FGF12: variants seen among roughly 807,000 people sequenced by gnomAD.
FGF12 encodes fibroblast growth factor 12B.
In FGF12, 14 loss-of-function variants were observed where a neutral mutation model predicts 23.6. The observed-to-expected ratio is 0.59, with a 90% confidence interval of 0.39 to 0.93. FGF12 has a LOEUF of 0.93. Among genes scored for constraint, FGF12 ranks in the 40% least tolerant of loss-of-function variants. FGF12 has a pLI of 0.00. For missense variants in FGF12, 175 were observed against 217.8 expected (o/e 0.80, Z 1.24); for synonymous variants, 62 against 77.3 (o/e 0.80, Z 1.04).
chr3:192,357,561 G>C (rs919098254), intron 3 of FGF12, among the ~76,000 whole-genome samples: 1 of 151,508 alleles, frequency 6.6e-6, no homozygotes, highest in African/African-American at 2.4e-5. Flanking sequence ...GCAACAGAGC[G>C]AGATTCCGTC....
chr3:192,220,736 A>G (rs1718426692), intron 4 of FGF12, among the ~76,000 whole-genome samples: 1 of 152,198 alleles, frequency 6.6e-6, no homozygotes, highest in South Asian at 2.1e-4. Flanking sequence ...ATGACTGGTA[A>G]ATATTGGTTC....
In FGF12 at chr3:192,327,857, C is replaced by G. The variant is rs557294855; in HGVS notation, c.228+7504G>C. Reference sequence around the variant, plus strand: ...TGGGAACAGAGGTGCATGCTACCATCCCCAGCTAATTTTTAAATTTTTTGT... The same window carrying G: ...TGGGAACAGAGGTGCATGCTACCATGCCCAGCTAATTTTTAAATTTTTTGT... On this transcript the variant is annotated intron_variant, in intron 4 of 5. Transcript: ENST00000445105. 3.3e-4 allele frequency among the ~76,000 whole-genome samples: 50 copies of G among 152,138 alleles called. 2 individuals carry two copies. The East Asian group carries it at 9.5e-3, about 29-fold the overall frequency.
intron 5 of FGF12, among the ~76,000 whole-genome samples, chr3:192,147,511 A>G (rs576655619): frequency 2.2e-4 from 34 of 152,344 alleles, no homozygotes; most frequent in African/African-American, 7.9e-4. Context: ...AAAGTGCATT[A>G]TATGTGCAAA....
intron 3 of FGF12, among the ~76,000 whole-genome samples, chr3:192,341,552 T>C (rs1297572021): frequency 6.6e-6 from 1 of 152,178 alleles, no homozygotes; most frequent in Non-Finnish European, 1.5e-5. Context: ...ATACTCAATT[T>C]TGCATCTAAT....
intron 2 of FGF12, among the ~76,000 whole-genome samples, chr3:192,373,817 C>A (rs1385609212): frequency 6.6e-6 from 1 of 152,076 alleles, no homozygotes; most frequent in Non-Finnish European, 1.5e-5. Context: ...AGTGCCAGGA[C>A]AATACTTTCA....
At chr3:192,277,158 T>C (rs112458549) in intron 4 of FGF12, among the ~76,000 whole-genome samples, 1 of 152,098 alleles carries the variant, frequency 6.6e-6, no homozygotes, top group African/African-American at 2.4e-5. Context: ...CAGAGGAAAA[T>C]TTTTCTCTTA....
chr3:192,654,490 A>G (rs1163446254), intron 2 of FGF12, among the ~76,000 whole-genome samples: 2 of 152,242 alleles, frequency 1.3e-5, no homozygotes, highest in Non-Finnish European at 2.9e-5. Flanking sequence ...TCTACAAGAT[A>G]TTTTATTTAA....
intron 4 of FGF12, among the ~76,000 whole-genome samples, chr3:192,305,010 G>C (rs1454944574): frequency 6.6e-6 from 1 of 152,106 alleles, no homozygotes; most frequent in Non-Finnish European, 1.5e-5. Context: ...AAGGGATGGA[G>C]AAAGAGGAGG....
At chr3:192,536,807 T>C (rs867519030) in intron 2 of FGF12, among the ~76,000 whole-genome samples, 1 of 152,158 alleles carries the variant, frequency 6.6e-6, no homozygotes, top group Non-Finnish European at 1.5e-5. Flanking sequence ...TTGTTACAAG[T>C]AATCCAATTA....
chr3:192,429,445 T>C (rs1164112307), intron 2 of FGF12, among the ~76,000 whole-genome samples: 1 of 152,160 alleles, frequency 6.6e-6, no homozygotes, highest in Non-Finnish European at 1.5e-5. Flanking sequence ...CTCTTATTTC[T>C]CCTTGTCTTC....
intron 2 of FGF12, among the ~76,000 whole-genome samples, chr3:192,679,340 G>A (rs1717437576): frequency 6.6e-6 from 1 of 152,194 alleles, no homozygotes; most frequent in Non-Finnish European, 1.5e-5. Context: ...GTTCAATCCT[G>A]TAATCTCAGC....
At chr3:192,240,222 G>C (rs930191669) in intron 4 of FGF12, among the ~76,000 whole-genome samples, 3 of 152,070 alleles carry the variant, frequency 2.0e-5, no homozygotes, top group African/African-American at 7.2e-5. Context: ...ATGACTGATA[G>C]ATCCCATATC....
chr3:192,601,169 C>T (rs1714100323), intron 2 of FGF12, among the ~76,000 whole-genome samples: 1 of 152,074 alleles, frequency 6.6e-6, no homozygotes, highest in Non-Finnish European at 1.5e-5. Context: ...AAGTGGAGGG[C>T]ATTACATTAA....
chr3:192,678,060 T>C (rs1191889770), intron 2 of FGF12, among the ~76,000 whole-genome samples: 1 of 152,032 alleles, frequency 6.6e-6, no homozygotes, highest in African/African-American at 2.4e-5. Context: ...CACTTTTGGG[T>C]TTTCAATTAT....
At chr3:192,487,373 T>C (rs1255147418) in intron 2 of FGF12, among the ~76,000 whole-genome samples, 1 of 152,140 alleles carries the variant, frequency 6.6e-6, no homozygotes, top group African/African-American at 2.4e-5. Flanking sequence ...TAGTCCCAGA[T>C]GACTTTGTCC....
intron 2 of FGF12, among the ~76,000 whole-genome samples, chr3:192,512,968 C>CAACA (rs952493286): frequency 2.0e-5 from 3 of 150,678 alleles, no homozygotes; most frequent in Non-Finnish European, 4.4e-5. Context: ...CCCATACTTG[C>CAACA]AACAAACTAT....
intron 4 of FGF12, among the ~76,000 whole-genome samples, chr3:192,179,512 G>C (rs1211892958): frequency 2.0e-5 from 3 of 150,054 alleles, no homozygotes; most frequent in Non-Finnish European, 3.0e-5. Flanking sequence ...TTTCACATCT[G>C]TAAGTTAAGG....
At chr3:192,448,530 C>A (rs1722428626) in intron 2 of FGF12, among the ~76,000 whole-genome samples, 2 of 152,164 alleles carry the variant, frequency 1.3e-5, no homozygotes, top group South Asian at 4.1e-4. Context: ...AGGTCCAAAG[C>A]AAATATGCAT....
intron 2 of FGF12, among the ~76,000 whole-genome samples, chr3:192,394,153 C>T (rs542359145): frequency 3.3e-5 from 5 of 150,540 alleles, no homozygotes; most frequent in South Asian, 4.2e-4. Flanking sequence ...TTATTATCTT[C>T]GAGACTACAC....
Sources: gnomAD v4.1 joint callset for allele counts (sites outside exome capture counted in the v4.1 genomes callset) on GRCh38, gnomAD v4.1.1 for gene constraint, MANE v1.5 for transcripts, NCBI Gene and HGNC (gene_info 2026-07-23, HGNC 2026-07-21) for gene names.